The following EPB41 variants were observed in gnomAD, a reference collection of about 807,000 sequenced individuals.
The protein encoded by EPB41 is protein 4.1.
Under a neutral mutation model 108.0 loss-of-function variants are expected in EPB41, and 65 were observed. The observed-to-expected ratio is 0.60, with a 90% CI of 0.49 to 0.74. The LOEUF is 0.74. EPB41 is among the 30% of genes least tolerant of loss of function. The pLI is 0.00. For synonymous variants in EPB41, 336 were observed against 358.9 expected (o/e 0.94, Z 0.72); for missense variants, 875 against 1,037.0 (o/e 0.84, Z 2.15).
At position 29,020,399 on chromosome 1, in the gene EPB41, G is replaced by T. The variant is rs139896374; in HGVS notation, c.1124+1957G>T. Among the ~76,000 whole-genome samples the T allele has an allele frequency of 3.8e-3, 576 of 151,890 alleles. 6 individuals are homozygous for T. The highest frequency in any genetic ancestry group is 0.013 in the African/African-American group (532 of 41,412). On this transcript the variant is annotated intron_variant, in intron 7 of 20. Transcript: ENST00000343067. ...TCAACATTTACATATATAAAAAATA[G>T]GGACATATAAAAATATATGCATATA...
intron 2 of EPB41, among the ~76,000 whole-genome samples, chr1:28,990,363 C>T (rs1448985976): frequency 5.5e-5 from 7 of 127,224 alleles, no homozygotes; most frequent in African/African-American, 1.1e-4. Context: ...CTCCCTTCCT[C>T]TCTTCCTCTG....
intron 4 of EPB41, among the ~76,000 whole-genome samples, chr1:29,004,508 T>C (rs1406925830): frequency 6.6e-6 from 1 of 152,206 alleles, no homozygotes; most frequent in East Asian, 1.9e-4. Context: ...TCTGAAAGGA[T>C]TGATTCTCAT....
At chr1:29,079,742 C>A (rs991147506) in intron 16 of EPB41, among the ~76,000 whole-genome samples, 1 of 152,130 alleles carries the variant, frequency 6.6e-6, no homozygotes, top group African/African-American at 2.4e-5. Context: ...CACCTGTAAT[C>A]CCAACACTTT....
intron 1 of EPB41, among the ~76,000 whole-genome samples, chr1:28,925,218 C>T (rs2093375277): frequency 6.6e-6 from 1 of 152,124 alleles, no homozygotes; most frequent in South Asian, 2.1e-4. Flanking sequence ...CCACCTCGGC[C>T]TCTCAAAATG....
At chr1:29,010,514 A>G (rs890184483) in intron 4 of EPB41, among the ~76,000 whole-genome samples, 2 of 152,176 alleles carry the variant, frequency 1.3e-5, no homozygotes, top group South Asian at 2.1e-4. Flanking sequence ...ACTTTTCGAC[A>G]TGTATCTTGT....
intron 7 of EPB41, among the ~76,000 whole-genome samples, chr1:29,020,877 C>T (rs2096635683): frequency 6.6e-6 from 1 of 152,102 alleles, no homozygotes; most frequent in Admixed American, 6.6e-5. Flanking sequence ...CCAGGCTGAT[C>T]TCAAACTTCC....
At chr1:29,006,978 A>G (rs2096415289) in intron 4 of EPB41, among the ~76,000 whole-genome samples, 2 of 151,984 alleles carry the variant, frequency 1.3e-5, no homozygotes, top group African/African-American at 4.8e-5. Flanking sequence ...TAAACTTTAC[A>G]TAAATAAAAT....
chr1:29,070,295 T>C (rs1451162961), intron 16 of EPB41: 9 of 1,113,830 alleles, frequency 8.1e-6, no homozygotes, highest in Non-Finnish European at 1.0e-5. Context: ...AGTATCATTT[T>C]TGAGCATTTT....
chr1:29,085,660 C>T (rs1241827648), intron 16 of EPB41, among the ~76,000 whole-genome samples: 2 of 152,156 alleles, frequency 1.3e-5, no homozygotes, highest in East Asian at 3.8e-4. Flanking sequence ...AAGTGATCCT[C>T]CCACCTCAGC....
rs903471100 is a variant in EPB41, at chr1:29,117,839, T to C, written c.*1027T>C. On this transcript the variant is annotated 3_prime_UTR_variant, in exon 21 of 21. Coordinates refer to ENST00000343067, the MANE Select transcript of EPB41 (RefSeq NM_001376013.1). ...GGAATGTGGCTCAGAGAAGGGTTTT[T>C]CTTTTTTGACCTTTCTTCTCTCAAC... The C allele has an allele frequency of 1.3e-5, 2 of 152,648 alleles. No homozygotes were observed. The highest frequency in any genetic ancestry group is 4.8e-5 in the African/African-American group (2 of 41,450). 9.5% of individuals were successfully genotyped at this position (152,648 alleles called of 1,614,324 possible).
intron 16 of EPB41, among the ~76,000 whole-genome samples, chr1:29,091,864 T>G (rs370880424): frequency 6.6e-6 from 1 of 152,144 alleles, no homozygotes; most frequent in Non-Finnish European, 1.5e-5. Flanking sequence ...TTGAGTTGCA[T>G]GTTTCAAAAT....
chr1:29,000,455 A>G (rs1032658501), intron 4 of EPB41, among the ~76,000 whole-genome samples: 2 of 152,340 alleles, frequency 1.3e-5, no homozygotes, highest in African/African-American at 4.8e-5. Flanking sequence ...TCACCTATAT[A>G]TTTATGTGTA....
intron 4 of EPB41, among the ~76,000 whole-genome samples, chr1:29,002,133 C>T (rs1439528036): frequency 2.0e-5 from 3 of 152,080 alleles, no homozygotes; most frequent in Admixed American, 2.0e-4. Flanking sequence ...ATGTAGTAAG[C>T]ATTCAATAAA....
chr1:28,903,326 C>CA (rs2091479365), intron 1 of EPB41, among the ~76,000 whole-genome samples: 1 of 137,060 alleles, frequency 7.3e-6, no homozygotes, highest in Non-Finnish European at 1.6e-5. Flanking sequence ...TCTTTTCTTT[C>CA]TTTTTTTTTT....
At position 29,018,580 on chromosome 1, in the gene EPB41, G is replaced by A. The variant is rs2096606117; in HGVS notation, c.1124+138G>A. 1 of 891,756 alleles carries A rather than the reference G, an allele frequency of 1.1e-6. No homozygotes were observed. The highest frequency in any genetic ancestry group is 1.8e-6 in the Non-Finnish European group (1 of 549,382). 55.2% of individuals were successfully genotyped at this position (891,756 alleles called of 1,614,324 possible). On this transcript the variant is annotated intron_variant, in intron 7 of 20. Transcript: ENST00000343067. This position sits in a 1 kb window ranked among gnomAD's most constrained non-coding sequence, Gnocchi z 4.4. ...AGTTTCCTCCACTGTTTGACTTTGG[G>A]CAGGTTACTTAACCTCTCTTAATCT...
At chr1:28,890,226 T>C (rs1417174283) in intron 1 of EPB41, among the ~76,000 whole-genome samples, 3 of 151,610 alleles carry the variant, frequency 2.0e-5, no homozygotes, top group African/African-American at 4.8e-5. Context: ...TTAGTAGAGA[T>C]AGGATTTTGC....
In EPB41 at chr1:28,887,911, A is replaced by G. The variant is rs532993243; in HGVS notation, c.-8+701A>G. On this transcript the variant is annotated intron_variant, in intron 1 of 16. Transcript: ENST00000347529. The surrounding 1 kb of genome is among the most constrained non-coding windows in gnomAD (Gnocchi z 4.9). ...CATCTCTGGGTTCCCTGTATCTCTC[A>G]TCTGTCGTCTCTGTTTTGCTGTCTT... Among the ~76,000 whole-genome samples the G allele has an allele frequency of 6.6e-6, 1 of 152,018 alleles. No homozygotes were observed. Among genetic ancestry groups the G allele is most frequent in the Admixed American group, 6.5e-5 (1 of 15,276 alleles).
chr1:29,003,106 A>G (rs2096331425), intron 4 of EPB41, among the ~76,000 whole-genome samples: 1 of 152,222 alleles, frequency 6.6e-6, no homozygotes, highest in African/African-American at 2.4e-5. Flanking sequence ...TTTTTGTTTA[A>G]CACTATCAGT....
rs545869528 is a variant in EPB41, at chr1:28,997,758, A to G, written c.786+439A>G. Among the ~76,000 whole-genome samples the G allele has an allele frequency of 1.3e-3, 193 of 152,176 alleles. 1 individual carries two copies. Among genetic ancestry groups the G allele is most frequent in the African/African-American group, 7.7e-4 (32 of 41,560 alleles). ...TATATAATTATAATTTGAAAGCAAC[A>G]TTATGAAACAGAATAAAATCCCAAT... On this transcript the variant is annotated intron_variant, in intron 4 of 20. Coordinates refer to ENST00000343067, the MANE Select transcript of EPB41 (RefSeq NM_001376013.1).
Sources: gnomAD v4.1 joint callset for allele counts (sites outside exome capture counted in the v4.1 genomes callset) on GRCh38, gnomAD v4.1.1 for gene constraint, Gnocchi (gnomAD v3.1) non-coding constraint, MANE v1.5 for transcripts, NCBI Gene and HGNC (gene_info 2026-07-23, HGNC 2026-07-21) for gene names.